YES1: variants seen among roughly 807,000 people sequenced by gnomAD.
YES1 encodes tyrosine-protein kinase Yes.
Under a neutral mutation model 70.4 loss-of-function variants are expected in YES1, and 39 were observed. That is an observed-to-expected ratio of 0.55 (90% CI 0.43 to 0.72). The LOEUF is 0.72. Among genes scored for constraint, YES1 ranks in the 30% least tolerant of loss-of-function variants. The pLI, the probability that YES1 is intolerant of heterozygous loss-of-function variation, is 0.00. For missense variants in YES1, 495 were observed against 644.8 expected (o/e 0.77, Z 2.52); for synonymous variants, 198 against 218.6 (o/e 0.91, Z 0.83).
chr18:785,108 T>C (rs1905867500), intron 1 of YES1, among the ~76,000 whole-genome samples: 1 of 152,190 alleles, frequency 6.6e-6, no homozygotes, highest in Non-Finnish European at 1.5e-5. Context: ...TGAGGACTAT[T>C]TTGCTTATCT....
At chr18:740,831 AG>A (rs1359781078) in intron 8 of YES1, among the ~76,000 whole-genome samples, 1 of 152,224 alleles carries the variant, frequency 6.6e-6, no homozygotes, top group Non-Finnish European at 1.5e-5. Context: ...ATTAATATAC[AG>A]AGCTAAATGG....
chr18:751,992 C>G (rs1368303994), intron 2 of YES1, among the ~76,000 whole-genome samples, 188 bp from the exon 3 acceptor site: 2 of 152,038 alleles, frequency 1.3e-5, no homozygotes, highest in Non-Finnish European at 2.9e-5. Context: ...ATTTTATGTT[C>G]TGGGACAATA....
At chr18:781,724 C>A (rs1262988119) in intron 1 of YES1, among the ~76,000 whole-genome samples, 1 of 152,118 alleles carries the variant, frequency 6.6e-6, no homozygotes, top group Admixed American at 6.6e-5. Context: ...CTACTGTGAT[C>A]CTTGATCAAA....
intron 3 of YES1, among the ~76,000 whole-genome samples, chr18:749,138 G>A (rs1225264428): frequency 1.3e-5 from 2 of 151,204 alleles, no homozygotes; most frequent in African/African-American, 4.9e-5. Context: ...TCCAGCCTGG[G>A]CTACAGAGCG....
At chr18:761,977 G>A (rs1183261951) in intron 1 of YES1, among the ~76,000 whole-genome samples, 2 of 152,146 alleles carry the variant, frequency 1.3e-5, no homozygotes, top group Non-Finnish European at 2.9e-5. Flanking sequence ...ACCTGAGGTC[G>A]GGAGTTTGAG....
chr18:812,329 C>CCG (rs922451711), upstream of YES1: 5 of 4,782 alleles, frequency 1.0e-3, no homozygotes, highest in African/African-American at 0.011. Flanking sequence ...CCTCCTCCGC[C>CCG]CCCCCCCCCC....
At chr18:803,066 TAA>T (rs969037285) in intron 1 of YES1, among the ~76,000 whole-genome samples, 1 of 150,344 alleles carries the variant, frequency 6.7e-6, no homozygotes, top group African/African-American at 2.5e-5. Context: ...TTTTGAATTT[TAA>T]AAATTAAAAA....
At chr18:808,606 C>T (rs751691473) in intron 1 of YES1, among the ~76,000 whole-genome samples, 8 of 152,206 alleles carry the variant, frequency 5.3e-5, no homozygotes, top group Non-Finnish European at 1.2e-4. Flanking sequence ...ACTAAAACTT[C>T]CTGTAAATAT....
intron 8 of YES1, among the ~76,000 whole-genome samples, chr18:740,345 C>T (rs1031208769): frequency 8.5e-5 from 13 of 152,170 alleles, no homozygotes; most frequent in African/African-American, 2.9e-4. Context: ...GAGAAAACAT[C>T]ACACAAAACC....
intron 1 of YES1, among the ~76,000 whole-genome samples, chr18:790,461 T>C (rs946471176): frequency 3.9e-5 from 6 of 152,240 alleles, no homozygotes; most frequent in Non-Finnish European, 7.3e-5. Flanking sequence ...ATTCATTACC[T>C]TTTCTTTTAA....
intron 10 of YES1, among the ~76,000 whole-genome samples, chr18:734,834 A>C (rs558799317): frequency 1.3e-5 from 2 of 152,280 alleles, no homozygotes; most frequent in South Asian, 4.1e-4. Flanking sequence ...CATTCAATCC[A>C]GCAAACCCAC....
chr18:744,689 C>CTTTTTTT lies in YES1; in HGVS notation c.724+1012_724+1018dup, dbSNP rs71174284. ...ACAGGAGTGAGCCACCACGCCTGGC[C>CTTTTTTT]TTTTTTTTTTTTTTTTTTTTTTTTT... On this transcript the variant is annotated intron_variant, in intron 6 of 11. Coordinates refer to ENST00000314574, the MANE Select transcript of YES1 (RefSeq NM_005433.4). 1.1e-4 allele frequency among the ~76,000 whole-genome samples: 6 copies of CTTTTTTT among 56,874 alleles called. 1 individual carries two copies. The highest frequency in any genetic ancestry group is 2.5e-4 in the African/African-American group (4 of 16,128). The allele number at this position is 56,874 out of a possible 152,430, so 37.3% of individuals were successfully genotyped here.
At chr18:743,918 A>AATAT (rs1254130295) in intron 6 of YES1, among the ~76,000 whole-genome samples, 55 of 146,738 alleles carry the variant, frequency 3.7e-4, no homozygotes, top group Middle Eastern at 3.6e-3. Context: ...AAAAAAAAAA[A>AATAT]ATATATATAT....
chr18:727,601 T>G (rs2080036517), intron 11 of YES1, among the ~76,000 whole-genome samples: 1 of 152,164 alleles, frequency 6.6e-6, no homozygotes, highest in East Asian at 1.9e-4. Flanking sequence ...TCTTCTCTTG[T>G]TATTTTAGTA....
At chr18:782,320 A>G (rs1184802348) in intron 1 of YES1, among the ~76,000 whole-genome samples, 4 of 152,224 alleles carry the variant, frequency 2.6e-5, no homozygotes, top group Non-Finnish European at 5.9e-5. Flanking sequence ...TAAAATATCA[A>G]TTCCTAATTC....
intron 1 of YES1, among the ~76,000 whole-genome samples, chr18:785,772 CAA>C (rs1287637224): frequency 7.4e-6 from 1 of 134,612 alleles, no homozygotes; most frequent in Non-Finnish European, 1.6e-5. Flanking sequence ...CTTGTCTCTA[CAA>C]AAGGAAAAAA....
At chr18:756,027 C>A (rs2080401915) in intron 2 of YES1, among the ~76,000 whole-genome samples, 2 of 152,288 alleles carry the variant, frequency 1.3e-5, no homozygotes, top group Non-Finnish European at 2.9e-5. Flanking sequence ...GACAATAAAT[C>A]TGAGCTCTCC....
rs1380590632 is a variant in YES1, at chr18:745,818, C to A, written c.614G>T (p.Arg205Met). ...TTTGTAGTGTTTCACATTGTCACCC[C>A]TTATCTCATCCCAATCACGAATAGA... ...SLSIRDWDEI[R>M]GDNVKHYKIR... Residue 205 changes from arginine (R) to methionine (M), a missense_variant, in exon 6 of 12, where the codon AGG (arginine) becomes ATG (methionine). Physicochemically the swap from Arg to Met is moderately conservative, Grantham distance 91. Around this residue, in one of 2 missense-constraint regions of YES1, gnomAD observed 385 missense variants for 540.9 expected, o/e 0.71. Coordinates refer to ENST00000314574, the MANE Select transcript of YES1 (RefSeq NM_005433.4). The A allele has an allele frequency of 1.2e-6, 2 of 1,612,848 alleles. No homozygotes were observed. Among genetic ancestry groups the A allele is most frequent in the African/African-American group, 2.7e-5 (2 of 74,866 alleles).
chr18:784,542 C>T, intron 1 of YES1, among the ~76,000 whole-genome samples: 1 of 152,238 alleles, frequency 6.6e-6, no homozygotes, highest in Non-Finnish European at 1.5e-5. Context: ...GTTCAGAAGT[C>T]TGACGCCGGT....
Sources: gnomAD v4.1 joint callset for allele counts (sites outside exome capture counted in the v4.1 genomes callset) on GRCh38, gnomAD v4.1.1 for gene constraint, gnomAD v4.1.1 regional missense constraint, MANE v1.5 for transcripts, NCBI Gene and HGNC (gene_info 2026-07-23, HGNC 2026-07-21) for gene names.